PSD2: variants seen among roughly 807,000 people sequenced by gnomAD.
The protein encoded by PSD2 is PH and SEC7 domain-containing protein 2.
In PSD2, 38 loss-of-function variants were observed where a neutral mutation model predicts 69.8. The observed-to-expected ratio is 0.54, with a 90% CI of 0.42 to 0.71. The LOEUF (loss-of-function observed/expected upper bound fraction) is 0.71, where lower values mean the gene tolerates loss of function less well. Ranked by LOEUF, PSD2 falls within the 30% of genes least tolerant of loss-of-function variation. The pLI, the probability that PSD2 is intolerant of heterozygous loss-of-function variation, is 0.00. For synonymous variants in PSD2, 412 were observed against 423.0 expected (o/e 0.97, Z 0.32); for missense variants, 943 against 1,014.5 (o/e 0.93, Z 0.96).
chr5:139,804,750 G>T (rs570654187), intron 1 of PSD2, among the ~76,000 whole-genome samples: 1 of 152,288 alleles, frequency 6.6e-6, no homozygotes, highest in African/African-American at 2.4e-5. Flanking sequence ...GATGCCCGAT[G>T]ATGTAGATCT....
intron 4 of PSD2, among the ~76,000 whole-genome samples, chr5:139,817,046 G>A (rs919302536): frequency 2.0e-5 from 3 of 152,138 alleles, no homozygotes; most frequent in East Asian, 1.9e-4. Flanking sequence ...AGCAGGTAGC[G>A]CATTCCAAAA....
Position 139,822,659 on chromosome 5 carries a change from C to T in PSD2, c.1211-67C>T, listed in dbSNP as rs1056554135. 17 of 1,442,856 alleles carry T rather than the reference C, an allele frequency of 1.2e-5. No homozygotes were observed. The Admixed American group carries it at 1.2e-4, about 10-fold the overall frequency. The allele number at this position is 1,442,856 out of a possible 1,614,324, so 89.4% of individuals were successfully genotyped here. On this transcript the variant is annotated intron_variant, in intron 6 of 14. Transcript: ENST00000274710. Reference sequence around the variant, plus strand: ...GTGTCCAAGGTCTCCTGACGGGTTCCGTCAGGAGACAGGGAGTGGGAAGAG... The same window carrying T: ...GTGTCCAAGGTCTCCTGACGGGTTCTGTCAGGAGACAGGGAGTGGGAAGAG...
At chr5:139,748,222 G>C in the PSD2 span, among the ~76,000 whole-genome samples, 1 of 145,866 alleles carries the variant, frequency 6.9e-6, no homozygotes, top group Non-Finnish European at 1.5e-5. Flanking sequence ...GACACGGTTC[G>C]AGAGGCTGAG....
the PSD2 span, among the ~76,000 whole-genome samples, chr5:139,782,599 TCTC>T: frequency 1.3e-5 from 2 of 151,530 alleles, no homozygotes; most frequent in African/African-American, 4.9e-5. Context: ...TTCAAGCAAT[TCTC>T]CTGCCTCAGC....
At chr5:139,833,938 C>A in intron 8 of PSD2, 147 bp downstream of exon 8, 1 of 674,832 alleles carries the variant, frequency 1.5e-6, no homozygotes, top group Non-Finnish European at 2.7e-6. Context: ...CCACTGAGCT[C>A]AACATTTGGC....
chr5:139,744,062 C>G, the PSD2 span, among the ~76,000 whole-genome samples: 83 of 152,324 alleles, frequency 5.4e-4, no homozygotes, highest in Non-Finnish European at 5.0e-4. Context: ...ATCCTAGAAG[C>G]CTGCCTTCTC....
chr5:139,753,443 T>G, the PSD2 span, among the ~76,000 whole-genome samples: 1 of 152,324 alleles, frequency 6.6e-6, no homozygotes, highest in African/African-American at 2.4e-5. Flanking sequence ...ACTGCATTAA[T>G]TAGGCTCTGA....
In PSD2 at chr5:139,837,155, C is replaced by T. The variant is rs1460020590; in HGVS notation, c.1595-13C>T. ...GGTGGCTGCAGCCACACTACCAGTGCCCTCCTCCCCAGCGCCCCGTGGGAG... is the reference window on the plus strand; with the variant it reads ...GGTGGCTGCAGCCACACTACCAGTGTCCTCCTCCCCAGCGCCCCGTGGGAG... On this transcript the variant is annotated splice_polypyrimidine_tract_variant and intron_variant, in intron 10 of 14. Transcript: ENST00000274710. The surrounding 1 kb of genome is among the most constrained non-coding windows in gnomAD (Gnocchi z 5.0). The T allele has an allele frequency of 6.2e-6, 10 of 1,613,700 alleles. No individual in the cohort carries two copies. In the South Asian group the frequency reaches 9.9e-5, roughly 16 times the overall value.
chr5:139,829,061 C>T (rs1760503604), intron 7 of PSD2, among the ~76,000 whole-genome samples: 1 of 152,176 alleles, frequency 6.6e-6, no homozygotes, highest in Non-Finnish European at 1.5e-5. Context: ...GGCCCCAAAT[C>T]GTGGACCTCC....
At chr5:139,834,811 T>C (rs1405534357) in intron 8 of PSD2, among the ~76,000 whole-genome samples, 2 of 151,906 alleles carry the variant, frequency 1.3e-5, no homozygotes, top group Non-Finnish European at 2.9e-5. Flanking sequence ...TATCCACCTA[T>C]CCATTTCTCC....
intron 1 of PSD2, among the ~76,000 whole-genome samples, chr5:139,806,115 A>G (rs758127229): frequency 1.3e-5 from 2 of 152,234 alleles, no homozygotes; most frequent in Non-Finnish European, 2.9e-5. Flanking sequence ...GGTCATTCCA[A>G]GGGCTGAGGC....
At chr5:139,788,645 C>T in the PSD2 span, among the ~76,000 whole-genome samples, 92 of 152,314 alleles carry the variant, frequency 6.0e-4, 1 homozygote, top group African/African-American at 2.1e-3. Flanking sequence ...CTCTCCTGGA[C>T]AGGCTCCCGG....
the PSD2 span, chr5:139,745,216 C>T: frequency 6.6e-6 from 1 of 152,278 alleles, no homozygotes; most frequent in African/African-American, 2.4e-5. Flanking sequence ...TGGGTGAAGG[C>T]TATGTAGAGT....
chr5:139,751,233 C>A, the PSD2 span, among the ~76,000 whole-genome samples: 1 of 152,274 alleles, frequency 6.6e-6, no homozygotes, highest in East Asian at 1.9e-4. Flanking sequence ...GGACTCAAGA[C>A]AGCACCTCCT....
intron 7 of PSD2, 76 bp downstream of exon 7, chr5:139,822,860 G>T: frequency 7.5e-7 from 1 of 1,334,630 alleles, no homozygotes; most frequent in South Asian, 1.5e-5. Context: ...GCCCCTTCCT[G>T]AGATCTCTTA....
chr5:139,775,421 C>T, the PSD2 span: 1 of 152,314 alleles, frequency 6.6e-6, no homozygotes, highest in Non-Finnish European at 1.5e-5. Flanking sequence ...CAGTTTCTGC[C>T]TACAAGTGTC....
At chr5:139,743,926 C>T in the PSD2 span, 1 of 152,264 alleles carries the variant, frequency 6.6e-6, no homozygotes, top group Non-Finnish European at 1.5e-5. Context: ...CTGCTGGAGC[C>T]TGATGTCTGG....
rs756626496 is a variant in PSD2 at position 139,817,537 on chromosome 5, G to A, written c.1073G>A (p.Gly358Asp). The A allele has an allele frequency of 6.2e-7, 1 of 1,614,148 alleles. No homozygotes were observed. Among genetic ancestry groups the A allele is most frequent in the South Asian group, 1.1e-5 (1 of 91,068 alleles). Residue 358 changes from glycine to aspartate, a missense_variant, in exon 5 of 15, where the codon GGC becomes GAC. Gly to Asp is a moderately conservative substitution (Grantham distance 94, BLOSUM62 -1). Around this residue, in one of 3 missense-constraint regions of PSD2, gnomAD observed 312 missense variants for 400.7 expected, o/e 0.78. Coordinates refer to ENST00000274710, the MANE Select transcript of PSD2 (RefSeq NM_032289.4). ...TACCTCAGTTTCTTCGACTTCTCGG[G>A]CTTGACTCTGGACGGAGCACTCAGG... ...GEYLSFFDFS[G>D]LTLDGALRTF...
In PSD2 at chr5:139,839,838, G is replaced by A. The variant is rs1028573417; in HGVS notation, c.1969-189G>A. 2.0e-5 allele frequency among the ~76,000 whole-genome samples: 3 copies of A among 152,202 alleles called. 1 individual carries two copies. Among genetic ancestry groups the A allele is most frequent in the African/African-American group, 7.2e-5 (3 of 41,448 alleles). On this transcript the variant is annotated intron_variant, in intron 13 of 14. Transcript: ENST00000274710. The surrounding 1 kb of genome is among the most constrained non-coding windows in gnomAD (Gnocchi z 5.1). ...GAAAGCTGATGCTGATGGGACCTGG[G>A]GGAGGAGGAAGGGAGGTGGGAGGAA...
Sources: allele counts gnomAD v4.1 joint callset (sites outside exome capture counted in the v4.1 genomes callset), GRCh38; gene constraint gnomAD v4.1.1; regional missense constraint gnomAD v4.1.1; non-coding constraint Gnocchi (gnomAD v3.1); transcripts MANE v1.5; gene names NCBI Gene and HGNC (gene_info 2026-07-23, HGNC 2026-07-21).